GRID2: variants seen among roughly 807,000 people sequenced by gnomAD.
GRID2 encodes the protein glutamate receptor ionotropic, delta-2.
GRID2 carries 33 observed loss-of-function variants against 114.8 expected under a neutral mutation model. The ratio of observed to expected loss-of-function variants is 0.29; its 90% confidence interval spans 0.22 to 0.38. The LOEUF (loss-of-function observed/expected upper bound fraction) is 0.38. Among genes scored for constraint, GRID2 ranks in the 10% least tolerant of loss-of-function variants. The pLI is 1.00. For synonymous variants in GRID2, 505 were observed against 449.9 expected, an observed-to-expected ratio of 1.12 and a Z score of -1.55; for missense variants, 1,184 against 1,257.7, an observed-to-expected ratio of 0.94 and a Z score of 0.89.
intron 1 of GRID2, among the ~76,000 whole-genome samples, chr4:92,362,268 C>A (rs1728652188): frequency 6.6e-6 from 1 of 151,966 alleles, no homozygotes; most frequent in African/African-American, 2.4e-5. Flanking sequence ...AGAGTCTGTT[C>A]TGTTTTTGCT....
intron 1 of GRID2, among the ~76,000 whole-genome samples, chr4:92,351,165 GT>G (rs1216051598): frequency 1.3e-5 from 2 of 151,800 alleles, no homozygotes; most frequent in African/African-American, 4.8e-5. Context: ...GTGGACATAT[GT>G]TTTAATTTCT....
chr4:93,040,115 T>C (rs1186293797), intron 2 of GRID2, among the ~76,000 whole-genome samples: 1 of 152,124 alleles, frequency 6.6e-6, no homozygotes, highest in Admixed American at 6.6e-5. Context: ...CTGTGTTCTT[T>C]TAAAATTCAG....
chr4:92,470,650 G>A (rs1184002638), intron 1 of GRID2, among the ~76,000 whole-genome samples: 1 of 151,832 alleles, frequency 6.6e-6, no homozygotes, highest in African/African-American at 2.4e-5. Context: ...AAACTAAATT[G>A]CATTAGAAAC....
At chr4:93,700,081 T>C (rs913095616) in intron 14 of GRID2, among the ~76,000 whole-genome samples, 1 of 152,150 alleles carries the variant, frequency 6.6e-6, no homozygotes, top group Non-Finnish European at 1.5e-5. Flanking sequence ...TATGCTATTT[T>C]TAAAAAATTA....
chr4:93,497,051 A>AT lies in GRID2; in HGVS notation c.1997+6287dup, dbSNP rs528062125. Among the ~76,000 whole-genome samples, 693 of 142,464 alleles carry AT rather than the reference A, an allele frequency of 4.9e-3. 5 individuals are homozygous for AT. Among genetic ancestry groups the AT allele is most frequent in the African/African-American group, 0.014 (554 of 39,052 alleles). The allele number at this position is 142,464 out of a possible 152,430, so 93.5% of individuals were successfully genotyped here. On this transcript the variant is annotated intron_variant, in intron 12 of 15. Coordinates refer to ENST00000282020, the MANE Select transcript of GRID2 (RefSeq NM_001510.4). The stretch of plus-strand genomic sequence containing the variant: ...ATCTGTGTCAGCATTTGGTGGTATC[A>AT]TTTTTTTTTTTTTAGCCTTGCTGAT...
intron 14 of GRID2, among the ~76,000 whole-genome samples, chr4:93,713,335 T>G (rs1266448390): frequency 6.6e-6 from 1 of 152,040 alleles, no homozygotes. Context: ...TCCTGACAGT[T>G]TGTTTGTTGT....
At chr4:92,795,899 A>C (rs1301429928) in intron 2 of GRID2, among the ~76,000 whole-genome samples, 1 of 151,348 alleles carries the variant, frequency 6.6e-6, no homozygotes, top group Non-Finnish European at 1.5e-5. Flanking sequence ...GAAACCCTTC[A>C]CCTCCCTCCT....
chr4:93,031,229 A>G (rs1384541072), intron 2 of GRID2, among the ~76,000 whole-genome samples: 1 of 151,850 alleles, frequency 6.6e-6, no homozygotes, highest in Non-Finnish European at 1.5e-5. Flanking sequence ...TATTTTTAGT[A>G]GAGACTGGGT....
chr4:92,934,838 T>C (rs1408023325), intron 2 of GRID2, among the ~76,000 whole-genome samples: 1 of 147,164 alleles, frequency 6.8e-6, no homozygotes, highest in East Asian at 2.2e-4. Context: ...TAGCCATATG[T>C]AGAAAGCTGA....
chr4:93,608,278 T>A (rs1435084718), intron 13 of GRID2, among the ~76,000 whole-genome samples: 1 of 143,784 alleles, frequency 7.0e-6, no homozygotes, highest in Non-Finnish European at 1.5e-5. Flanking sequence ...TTAGTCCAAC[T>A]GAAAATTATT....
chr4:93,288,693 T>C (rs930033461), intron 8 of GRID2, among the ~76,000 whole-genome samples: 33 of 152,244 alleles, frequency 2.2e-4, no homozygotes, highest in African/African-American at 7.7e-4. Context: ...TACATTGATA[T>C]GTTGTATCAG....
In GRID2 at chr4:92,471,954, G is replaced by A. The variant is rs1427294404; in HGVS notation, c.89-118177G>A. On this transcript the variant is annotated intron_variant, in intron 1 of 15. Transcript: ENST00000282020. ...TTTTTTTTTTTTTTTTTTTTTTTGA[G>A]ACGGAGTCTCGCTCTGTCGCCCAGG... 1.5e-4 allele frequency among the ~76,000 whole-genome samples: 4 copies of A among 26,820 alleles called. 2 individuals are homozygous for A. The highest frequency in any genetic ancestry group is 7.2e-4 in the African/African-American group (4 of 5,572). The allele number at this position is 26,820 out of a possible 152,430, so 17.6% of individuals were successfully genotyped here.
chr4:93,044,025 TACA>T (rs1221308923), intron 2 of GRID2, among the ~76,000 whole-genome samples: 2 of 151,950 alleles, frequency 1.3e-5, no homozygotes, highest in Non-Finnish European at 2.9e-5. Context: ...AAAGTGATAG[TACA>T]ACAAGCAGTA....
At chr4:92,495,047 G>A (rs950111960) in intron 1 of GRID2, among the ~76,000 whole-genome samples, 1 of 151,924 alleles carries the variant, frequency 6.6e-6, no homozygotes, top group African/African-American at 2.4e-5. Context: ...AAAGTGAAAA[G>A]TATTTAAAAA....
chr4:92,690,347 G>A (rs1315545668), intron 2 of GRID2, among the ~76,000 whole-genome samples: 1 of 152,144 alleles, frequency 6.6e-6, no homozygotes, highest in Non-Finnish European at 1.5e-5. Flanking sequence ...GGAACAGTTG[G>A]TAAGTGGAGC....
intron 2 of GRID2, among the ~76,000 whole-genome samples, chr4:93,023,183 ATTAG>A (rs1723559700): frequency 6.6e-6 from 1 of 150,994 alleles, no homozygotes; most frequent in African/African-American, 2.4e-5. Flanking sequence ...GATAATAACT[ATTAG>A]TTAATGGTAG....
intron 14 of GRID2, among the ~76,000 whole-genome samples, chr4:93,630,935 T>A: frequency 6.6e-6 from 1 of 152,328 alleles, no homozygotes; most frequent in East Asian, 1.9e-4. Flanking sequence ...AAGCTTATAT[T>A]CTTATATTGT....
chr4:92,330,640 A>T (rs1213995373), intron 1 of GRID2, among the ~76,000 whole-genome samples: 3 of 152,152 alleles, frequency 2.0e-5, no homozygotes, highest in African/African-American at 7.2e-5. Context: ...TGGTTTCTAT[A>T]AACAAAGTAG....
intron 3 of GRID2, among the ~76,000 whole-genome samples, chr4:93,090,277 C>T (rs538684766): frequency 1.3e-5 from 2 of 152,150 alleles, no homozygotes; most frequent in Non-Finnish European, 2.9e-5. Flanking sequence ...GTCAGCTGAA[C>T]AAATACTATG....
Sources: allele counts gnomAD v4.1 joint callset (sites outside exome capture counted in the v4.1 genomes callset), GRCh38; gene constraint gnomAD v4.1.1; transcripts MANE v1.5; gene names NCBI Gene and HGNC (gene_info 2026-07-23, HGNC 2026-07-21).